CDC40: variants seen among roughly 807,000 people sequenced by gnomAD.
The protein encoded by CDC40 is pre-mRNA-processing factor 17.
In CDC40, 27 loss-of-function variants were observed where a neutral mutation model predicts 80.6. The observed-to-expected ratio is 0.33, with a 90% CI of 0.25 to 0.46. The LOEUF is 0.46. Ranked by LOEUF, CDC40 falls within the 20% of genes least tolerant of loss-of-function variation. CDC40 has a pLI of 1.00. For missense variants in CDC40, 486 were observed against 694.1 expected, an observed-to-expected ratio of 0.70 and a Z score of 3.37; for synonymous variants, 221 against 232.6, an observed-to-expected ratio of 0.95 and a Z score of 0.45.
At chr6:110,210,564 A>AG in intron 5 of CDC40, 143 bp from the exon 6 acceptor site, 1 of 345,686 alleles carries the variant, frequency 2.9e-6, no homozygotes, top group Non-Finnish European at 5.2e-6. Flanking sequence ...AAAAAAAAAA[A>AG]AAAAAAAAAG....
chr6:110,206,913 T>C (rs1176248611), intron 3 of CDC40, among the ~76,000 whole-genome samples: 1 of 152,198 alleles, frequency 6.6e-6, no homozygotes, highest in Non-Finnish European at 1.5e-5. Flanking sequence ...CTCTTAGTAA[T>C]GTAATGTCAG....
At chr6:110,220,537 C>G (rs369491685) in intron 12 of CDC40, among the ~76,000 whole-genome samples, 1 of 150,182 alleles carries the variant, frequency 6.7e-6, no homozygotes, top group Non-Finnish European at 1.5e-5. Flanking sequence ...CTCCGCCTCC[C>G]GGGTTCACGC....
chr6:110,188,357 C>T (rs1236436872), intron 1 of CDC40, among the ~76,000 whole-genome samples: 1 of 152,114 alleles, frequency 6.6e-6, no homozygotes, highest in African/African-American at 2.4e-5. Context: ...AGCTTTTATG[C>T]AGTTTAAACA....
intron 13 of CDC40, among the ~76,000 whole-genome samples, 189 bp downstream of exon 13, chr6:110,226,432 CTG>C (rs1777861349): frequency 6.6e-6 from 1 of 152,164 alleles, no homozygotes; most frequent in Non-Finnish European, 1.5e-5. Flanking sequence ...ACCTACTTTT[CTG>C]TGTCTCTTTT....
intron 3 of CDC40, among the ~76,000 whole-genome samples, chr6:110,202,055 G>A (rs1005449596): frequency 6.6e-6 from 1 of 152,116 alleles, no homozygotes; most frequent in Non-Finnish European, 1.5e-5. Flanking sequence ...CTTATTATAG[G>A]CTATTTAACT....
At chr6:110,223,279 C>T (rs1777802326) in intron 12 of CDC40, among the ~76,000 whole-genome samples, 1 of 152,098 alleles carries the variant, frequency 6.6e-6, no homozygotes, top group Non-Finnish European at 1.5e-5. Flanking sequence ...AGAATAGGGT[C>T]TCACTCTGTT....
chr6:110,193,413 T>C, intron 2 of CDC40, 145 bp downstream of exon 2: 1 of 468,136 alleles, frequency 2.1e-6, no homozygotes, highest in South Asian at 3.1e-5. Context: ...TTTTTTGTTG[T>C]TTTTTTTTTG....
At chr6:110,187,930 G>A (rs1054416945) in intron 1 of CDC40, among the ~76,000 whole-genome samples, 2 of 152,134 alleles carry the variant, frequency 1.3e-5, no homozygotes, top group African/African-American at 2.4e-5. Flanking sequence ...AATGCCTCAT[G>A]GGTATTAAAA....
At chr6:110,220,930 A>AG (rs1005700509) in intron 12 of CDC40, among the ~76,000 whole-genome samples, 1 of 152,210 alleles carries the variant, frequency 6.6e-6, no homozygotes, top group Non-Finnish European at 1.5e-5. Flanking sequence ...GAATTATGGG[A>AG]GTACAATTCA....
chr6:110,204,365 A>C (rs1777534815), intron 3 of CDC40, among the ~76,000 whole-genome samples: 1 of 152,282 alleles, frequency 6.6e-6, no homozygotes, highest in African/African-American at 2.4e-5. Context: ...CAAAGATATA[A>C]TTTTTAAAAG....
intron 11 of CDC40, 108 bp downstream of exon 11, chr6:110,219,587 G>A (rs1777742159): frequency 1.8e-6 from 2 of 1,114,340 alleles, no homozygotes; most frequent in African/African-American, 1.6e-5. Flanking sequence ...CTACTTTTAG[G>A]GACGGCTAAT....
rs148248228 is a variant in CDC40, at chr6:110,227,362, T to C, written c.1417+1119T>C. On this transcript the variant is annotated intron_variant, in intron 13 of 14. Transcript: ENST00000307731. Reference sequence around the variant, plus strand: ...GAATTTGCTGTTCCATCAGGGCCTCTGACACAAGCAAATGGTAATAGTTGT... The same window carrying C: ...GAATTTGCTGTTCCATCAGGGCCTCCGACACAAGCAAATGGTAATAGTTGT... Among the ~76,000 whole-genome samples the C allele has an allele frequency of 3.8e-3, 576 of 152,310 alleles. 3 individuals are homozygous for C. Among genetic ancestry groups the C allele is most frequent in the African/African-American group, 0.013 (558 of 41,570 alleles).
At chr6:110,224,862 C>T (rs1261052814) in intron 12 of CDC40, among the ~76,000 whole-genome samples, 1 of 152,156 alleles carries the variant, frequency 6.6e-6, no homozygotes, top group Non-Finnish European at 1.5e-5. Flanking sequence ...TCAATATGAA[C>T]CTGGACTATG....
At chr6:110,194,056 G>A (rs1006461162) in intron 2 of CDC40, among the ~76,000 whole-genome samples, 1 of 151,986 alleles carries the variant, frequency 6.6e-6, no homozygotes, top group Non-Finnish European at 1.5e-5. Context: ...ACAAAGTACT[G>A]GATTTTTTTT....
At chr6:110,198,342 A>AT (rs1179680867) in intron 2 of CDC40, among the ~76,000 whole-genome samples, 1 of 151,740 alleles carries the variant, frequency 6.6e-6, no homozygotes, top group Non-Finnish European at 1.5e-5. Flanking sequence ...TGCCTAGCTA[A>AT]TTTTTTGTAT....
chr6:110,180,740 A>G, intron 1 of CDC40, 107 bp downstream of exon 1: 1 of 770,798 alleles, frequency 1.3e-6, no homozygotes. Flanking sequence ...GCTCAGAGAT[A>G]AGTTGCTAAC....
At chr6:110,216,748 A>G (rs922110994) in intron 9 of CDC40, among the ~76,000 whole-genome samples, 12 of 152,314 alleles carry the variant, frequency 7.9e-5, no homozygotes, top group Admixed American at 7.2e-4. Flanking sequence ...GTGGGGTGGC[A>G]AAAATAGGAA....
chr6:110,222,210 G>T (rs1025578476), intron 12 of CDC40, among the ~76,000 whole-genome samples: 2 of 151,768 alleles, frequency 1.3e-5, no homozygotes, highest in Non-Finnish European at 2.9e-5. Flanking sequence ...GTCTATGCTT[G>T]TGCCACTGCA....
intron 9 of CDC40, 46 bp downstream of exon 9, chr6:110,215,377 A>G: frequency 7.0e-7 from 1 of 1,433,342 alleles, no homozygotes. Context: ...AGAATTTTTA[A>G]AGTAAGATAA....
Sources: allele counts gnomAD v4.1 joint callset (sites outside exome capture counted in the v4.1 genomes callset), GRCh38; gene constraint gnomAD v4.1.1; transcripts MANE v1.5; gene names NCBI Gene and HGNC (gene_info 2026-07-23, HGNC 2026-07-21).